PRMT2: variants seen among roughly 807,000 people sequenced by gnomAD.
The protein encoded by PRMT2 is protein arginine methyltransferase 2.
A neutral mutation model predicts 57.6 loss-of-function variants in PRMT2; 26 were observed. The ratio of observed to expected loss-of-function variants is 0.45; its 90% CI spans 0.33 to 0.63. The LOEUF (loss-of-function observed/expected upper bound fraction) is 0.63. Among genes scored for constraint, PRMT2 ranks in the 20% least tolerant of loss-of-function variants. The pLI is 0.02. For synonymous variants in PRMT2, 219 were observed against 220.0 expected (o/e 1.00, Z 0.04); for missense variants, 472 against 564.4 (o/e 0.84, Z 1.66).
rs1449689215 is a variant in PRMT2, at chr21:46,660,925, A to C, written c.923A>C (p.Gln308Pro). ...CTCTCTGAACCGTGCACTATATTGC[A>C]GTTGGACATGAGAACCGTGCAAATT... is the stretch of plus-strand genomic sequence containing the variant. Reference protein sequence around the residue: ...DCLSEPCTILQLDMRTVQISD... With the variant: ...DCLSEPCTILPLDMRTVQISD... Residue 308 changes from glutamine to proline, a missense_variant, in exon 9 of 12, where the codon CAG becomes CCG. By Grantham distance (76) the Gln-to-Pro change is moderately conservative (BLOSUM62 -1). This residue lies in a region of PRMT2 where 229 missense variants were observed against 217.2 expected (regional missense o/e 1.05). Coordinates refer to ENST00000355680, the MANE Select transcript of PRMT2 (RefSeq NM_206962.4). The C allele has an allele frequency of 3.1e-6, 5 of 1,613,346 alleles. No homozygotes were observed. The highest frequency in any genetic ancestry group is 8.5e-7 in the Non-Finnish European group (1 of 1,179,454).
intron 8 of PRMT2, chr21:46,659,873 A>G (rs1251572469): frequency 2.0e-6 from 2 of 985,412 alleles, no homozygotes; most frequent in African/African-American, 1.7e-5. Flanking sequence ...GGGATATGTA[A>G]TGATATTTAG....
chr21:46,651,751 T>C (rs1601939052), intron 7 of PRMT2: 4 of 1,585,372 alleles, frequency 2.5e-6, no homozygotes, highest in Non-Finnish European at 3.5e-6. Flanking sequence ...GGAGGGAGGG[T>C]ATGAATCTGG....
At chr21:46,636,739 TGTAAA>T (rs777433384) in intron 2 of PRMT2, among the ~76,000 whole-genome samples, 152 bp from the exon 3 acceptor site, 6 of 152,258 alleles carry the variant, frequency 3.9e-5, no homozygotes, top group Admixed American at 6.5e-5. Flanking sequence ...CTTTTGTCTC[TGTAAA>T]GTATTGTAAA....
chr21:46,658,661 T>G (rs992477153), intron 7 of PRMT2, 84 bp from the exon 8 acceptor site: 88 of 1,564,844 alleles, frequency 5.6e-5, no homozygotes, highest in Non-Finnish European at 7.5e-5. Flanking sequence ...ACTGTCAGAC[T>G]AGTGTTACGA....
At chr21:46,646,575 C>T (rs1185030819) in intron 5 of PRMT2, among the ~76,000 whole-genome samples, 2 of 152,190 alleles carry the variant, frequency 1.3e-5, no homozygotes, top group Non-Finnish European at 2.9e-5. Flanking sequence ...AGCTGCAGAG[C>T]GTTGTGTTAC....
intron 7 of PRMT2, chr21:46,652,514 A>G (rs2061475697): frequency 1.0e-6 from 1 of 985,330 alleles, no homozygotes; most frequent in Non-Finnish European, 1.2e-6. Flanking sequence ...GTTCAATGCC[A>G]CCAACAATTT....
chr21:46,650,768 T>G (rs140148871), intron 7 of PRMT2, among the ~76,000 whole-genome samples: 51 of 152,080 alleles, frequency 3.4e-4, no homozygotes, highest in African/African-American at 1.2e-3. Context: ...GCTGCTGGAG[T>G]GTCCGGCTGT....
Position 46,658,939 on chromosome 21 carries a change from G to A in PRMT2, c.830+19G>A, listed in dbSNP as rs567500464. ...CTCTGAAGTAAGTGTCCACAGCTGGGACTGGCACCGTCTTGTGGGGCCTCC... is the reference window on the plus strand; with the variant it reads ...CTCTGAAGTAAGTGTCCACAGCTGGAACTGGCACCGTCTTGTGGGGCCTCC... On this transcript the variant is annotated intron_variant, in intron 8 of 11. Transcript: ENST00000355680. The A allele has an allele frequency of 1.2e-6, 2 of 1,604,016 alleles. No homozygotes were observed. Among genetic ancestry groups the A allele is most frequent in the East Asian group, 2.2e-5 (1 of 44,638 alleles).
Position 46,644,596 on chromosome 21 carries a change from C to G in PRMT2, c.327+108C>G, listed in dbSNP as rs1171853296. On this transcript the variant is annotated intron_variant, in intron 5 of 11. Coordinates refer to ENST00000355680, the MANE Select transcript of PRMT2 (RefSeq NM_206962.4). ...GCCCATAGTCTTACAGGCCAGAGCT[C>G]CTCTGTTGTAGCCACTCAGCTCTGA... 3 of 1,158,512 alleles carry G rather than the reference C, an allele frequency of 2.6e-6. No homozygotes were observed. In the African/African-American group the frequency reaches 4.7e-5, roughly 18 times the overall value. 71.8% of individuals were successfully genotyped at this position (1,158,512 alleles called of 1,614,324 possible).
intron 8 of PRMT2, chr21:46,659,380 A>T: frequency 1.0e-6 from 1 of 986,476 alleles, no homozygotes; most frequent in Non-Finnish European, 1.2e-6. Flanking sequence ...CTGGCAGTCT[A>T]TGTGGCAGAA....
chr21:46,662,041 CGTG>C (rs1320293969), intron 10 of PRMT2, 105 bp downstream of exon 10: 1 of 18,842 alleles, frequency 5.3e-5, no homozygotes, highest in Non-Finnish European at 9.5e-5. Context: ...GCGTGGCGGT[CGTG>C]GGGGGGTGGG....
chr21:46,651,461 G>A (rs149901532), intron 7 of PRMT2, among the ~76,000 whole-genome samples: 6 of 149,624 alleles, frequency 4.0e-5, no homozygotes, highest in Non-Finnish European at 7.4e-5. Flanking sequence ...CTCGGTGGGC[G>A]ATGGCCTGGA....
intron 5 of PRMT2, among the ~76,000 whole-genome samples, chr21:46,645,002 A>G (rs1207161912): frequency 6.6e-6 from 1 of 152,182 alleles, no homozygotes; most frequent in Non-Finnish European, 1.5e-5. Context: ...TTGGGAGGCC[A>G]AGGCAAGAGG....
intron 8 of PRMT2, chr21:46,660,088 AAAAT>A (rs1429461854): frequency 4.2e-5 from 41 of 973,440 alleles, no homozygotes; most frequent in African/African-American, 8.8e-5. Context: ...TTTTATCAGA[AAAAT>A]AAATGTGTAA....
rs115601435 is a variant in PRMT2 at position 46,662,481 on chromosome 21, G to A, written c.1097+545G>A. On this transcript the variant is annotated intron_variant, in intron 10 of 11. Coordinates refer to ENST00000355680, the MANE Select transcript of PRMT2 (RefSeq NM_206962.4). Reference sequence around the variant, plus strand: ...AGGGGACCCCGGCTCCAGGGAGGTCGCAGAGGTGCGGGGTTGATGGCCTGG... The same window carrying A: ...AGGGGACCCCGGCTCCAGGGAGGTCACAGAGGTGCGGGGTTGATGGCCTGG... Among the ~76,000 whole-genome samples the A allele has an allele frequency of 8.3e-3, 1,264 of 152,316 alleles. 14 individuals carry two copies. Among genetic ancestry groups the A allele is most frequent in the African/African-American group, 0.027 (1,141 of 41,584 alleles).
At chr21:46,644,954 G>A (rs1374868150) in intron 5 of PRMT2, among the ~76,000 whole-genome samples, 1 of 152,106 alleles carries the variant, frequency 6.6e-6, no homozygotes, top group Admixed American at 6.5e-5. Context: ...AATGAAATTA[G>A]GCTGAGTGTG....
In PRMT2 at chr21:46,663,510, C is replaced by T; in HGVS notation, c.1225C>T (p.Leu409=). Residue 409 remains leucine, a synonymous_variant, in exon 11 of 12, where the codon CTG becomes TTG. Coordinates refer to ENST00000355680, the MANE Select transcript of PRMT2 (RefSeq NM_206962.4). The part of the protein sequence containing the change: ...PVWRRHMSVA[L]SWAVTSRQDP... ...GTGGAGAAGGCACATGTCTGTGGCT[C>T]TGAGCTGGGCTGTCACTTCCAGACA... is the stretch of plus-strand genomic sequence containing the variant. The T allele has an allele frequency of 6.2e-7, 1 of 1,614,206 alleles. No homozygotes were observed. Among genetic ancestry groups the T allele is most frequent in the South Asian group, 1.1e-5 (1 of 91,088 alleles).
intron 9 of PRMT2, 161 bp from the exon 10 acceptor site, chr21:46,661,639 C>A: frequency 3.3e-6 from 2 of 610,682 alleles, no homozygotes; most frequent in Non-Finnish European, 4.8e-6. Context: ...CCTCTGAACT[C>A]ACGATGCGGG....
intron 7 of PRMT2, chr21:46,653,193 C>T: frequency 2.0e-6 from 2 of 985,360 alleles, no homozygotes; most frequent in Non-Finnish European, 2.4e-6. Flanking sequence ...AAAGTAACTG[C>T]TGAGGTTAAC....
Sources: allele counts gnomAD v4.1 joint callset (sites outside exome capture counted in the v4.1 genomes callset), GRCh38; gene constraint gnomAD v4.1.1; regional missense constraint gnomAD v4.1.1; transcripts MANE v1.5; gene names NCBI Gene and HGNC (gene_info 2026-07-23, HGNC 2026-07-21).